Variants in NUCKS1 observed in about 807,000 individuals in gnomAD.
NUCKS1 encodes the protein nuclear ubiquitous casein and cyclin-dependent kinase substrate 1.
NUCKS1 carries 2 observed loss-of-function variants against 33.0 expected under a neutral mutation model. The ratio of observed to expected loss-of-function variants is 0.06; its 90% CI spans 0.02 to 0.19. NUCKS1 has a LOEUF of 0.19. Among genes scored for constraint, NUCKS1 ranks in the 10% least tolerant of loss-of-function variants. The pLI is 1.00. For missense variants in NUCKS1, 201 were observed against 293.6 expected (o/e 0.68, Z 2.31); for synonymous variants, 106 against 102.8 (o/e 1.03, Z -0.19).
chr1:205,732,034 C>G (rs564171113), intron 1 of NUCKS1, among the ~76,000 whole-genome samples: 2 of 152,086 alleles, frequency 1.3e-5, no homozygotes, highest in Non-Finnish European at 2.9e-5. Context: ...CACTGGTCCA[C>G]CTTCTAGTAT....
intron 1 of NUCKS1, among the ~76,000 whole-genome samples, chr1:205,742,675 A>T (rs574150142): frequency 3.3e-5 from 5 of 152,238 alleles, no homozygotes; most frequent in Non-Finnish European, 7.4e-5. Context: ...ATACTAAAAA[A>T]TTAGCCGGGC....
At chr1:205,738,872 T>C (rs974706098) in intron 1 of NUCKS1, among the ~76,000 whole-genome samples, 4 of 152,174 alleles carry the variant, frequency 2.6e-5, no homozygotes, top group Admixed American at 6.5e-5. Flanking sequence ...ATCACCACAC[T>C]GCACTCTGGC....
In NUCKS1 at chr1:205,732,779, C is replaced by CAAAAAAAAAAAAAAAAAAAAA. The variant is rs59760552; in HGVS notation, c.18-3159_18-3158insTTTTTTTTTTTTTTTTTTTTT. On this transcript the variant is annotated intron_variant, in intron 1 of 6. Transcript: ENST00000367142. ...CTGGCAACAGAGCAAGACTCTGTCT[C>CAAAAAAAAAAAAAAAAAAAAA]AAAAAAAAAAAAAAAAGTTAAGATG... Among the ~76,000 whole-genome samples, 17 of 74,000 alleles carry CAAAAAAAAAAAAAAAAAAAAA rather than the reference C, an allele frequency of 2.3e-4. 2 individuals carry two copies. Among genetic ancestry groups the CAAAAAAAAAAAAAAAAAAAAA allele is most frequent in the African/African-American group, 8.2e-4 (15 of 18,284 alleles). 48.5% of individuals were successfully genotyped at this position (74,000 alleles called of 152,430 possible).
chr1:205,750,164 C>T lies in NUCKS1; in HGVS notation c.-191G>A. On this transcript the variant is annotated 5_prime_UTR_variant, in exon 1 of 7. Transcript: ENST00000367142. ...TGGAACAGACGAGCCCCCCGCTCCC[C>T]CGTCTCTTCAAAATGGATGAATCAA... is the stretch of plus-strand genomic sequence containing the variant. The T allele has an allele frequency of 3.2e-6, 2 of 632,012 alleles. No homozygotes were observed. Among genetic ancestry groups the T allele is most frequent in the South Asian group, 3.7e-5 (2 of 54,564 alleles). The allele number at this position is 632,012 out of a possible 1,614,324, so 39.2% of individuals were successfully genotyped here. A position where few individuals can be genotyped will look rare whatever the true frequency, so the allele number is the denominator to read the frequency against.
intron 1 of NUCKS1, among the ~76,000 whole-genome samples, chr1:205,749,644 C>T (rs1654431899): frequency 1.3e-5 from 2 of 152,070 alleles, no homozygotes; most frequent in African/African-American, 2.4e-5. Context: ...GCTGACTTCA[C>T]ACCCCTCCCC....
In NUCKS1 at chr1:205,724,008, G is replaced by T. The variant is rs16856215; in HGVS notation, c.174-27C>A. 12,732 of 1,565,046 alleles carry T rather than the reference G, an allele frequency of 8.1e-3. 146 individuals carry two copies. Among genetic ancestry groups the T allele is most frequent in the African/African-American group, 0.045 (3,324 of 74,052 alleles). On this transcript the variant is annotated intron_variant, in intron 3 of 6. Transcript: ENST00000367142. The stretch of plus-strand genomic sequence containing the variant: ...TATAAAGGGAGGCAAAAAAGCAAAT[G>T]CATAAAAGTCTTAGCTCAAAATCTA...
At chr1:205,727,117 C>A (rs1244698265) in intron 3 of NUCKS1, among the ~76,000 whole-genome samples, 2 of 152,112 alleles carry the variant, frequency 1.3e-5, no homozygotes, top group African/African-American at 4.8e-5. Context: ...GCAAGTGCCA[C>A]CATTCCCGGC....
intron 1 of NUCKS1, among the ~76,000 whole-genome samples, chr1:205,739,416 A>G (rs982539873): frequency 3.3e-5 from 5 of 152,248 alleles, no homozygotes; most frequent in African/African-American, 1.2e-4. Flanking sequence ...TCTCACATGC[A>G]AGATTTTCTC....
chr1:205,748,883 T>C (rs1056289736), intron 1 of NUCKS1, among the ~76,000 whole-genome samples: 1 of 152,214 alleles, frequency 6.6e-6, no homozygotes, highest in African/African-American at 2.4e-5. Flanking sequence ...AAAATATTTA[T>C]TTGCAACAGC....
intron 1 of NUCKS1, among the ~76,000 whole-genome samples, chr1:205,748,479 C>CA (rs1306948804): frequency 6.6e-6 from 1 of 152,022 alleles, no homozygotes; most frequent in Non-Finnish European, 1.5e-5. Flanking sequence ...AGTTTTATGC[C>CA]AAAAAAATTA....
intron 1 of NUCKS1, among the ~76,000 whole-genome samples, chr1:205,746,170 C>T (rs1252924574): frequency 1.3e-5 from 2 of 151,936 alleles, no homozygotes; most frequent in African/African-American, 4.8e-5. Flanking sequence ...GTAGTGGGCA[C>T]CTGTAATTCC....
chr1:205,725,175 T>C (rs1356840911), intron 3 of NUCKS1, among the ~76,000 whole-genome samples: 1 of 152,198 alleles, frequency 6.6e-6, no homozygotes, highest in East Asian at 1.9e-4. Flanking sequence ...AGCCACCATA[T>C]CCAGCACCTA....
rs1035092570 is a variant in NUCKS1, at chr1:205,714,748, C to G, written c.*3532G>C. 1 of 152,150 alleles carries G rather than the reference C, an allele frequency of 6.6e-6. No individual in the cohort carries two copies. Among genetic ancestry groups the G allele is most frequent in the African/African-American group, 2.4e-5 (1 of 41,434 alleles). The allele number at this position is 152,150 out of a possible 1,614,324, so 9.4% of individuals were successfully genotyped here. ...TTTCCCTATCCTATGGCAGGAAATG[C>G]GTATTACTTCTGTTCTGTTTAAGCA... On this transcript the variant is annotated 3_prime_UTR_variant, in exon 7 of 7. Transcript: ENST00000367142.
At position 205,717,285 on chromosome 1, in the gene NUCKS1, G is replaced by A. The variant is rs1671838939; in HGVS notation, c.*995C>T. ...TAAAGGAAAAATCTCAACTCTTTGT[G>A]ACTGAGTTTCACATTAACTGGAACT... On this transcript the variant is annotated 3_prime_UTR_variant, in exon 7 of 7. Coordinates refer to ENST00000367142, the MANE Select transcript of NUCKS1 (RefSeq NM_022731.5). 1 of 985,064 alleles carries A rather than the reference G, an allele frequency of 1.0e-6. No homozygotes were observed. The highest frequency in any genetic ancestry group is 1.7e-5 in the African/African-American group (1 of 57,252). 61.0% of individuals were successfully genotyped at this position (985,064 alleles called of 1,614,324 possible).
At chr1:205,744,505 C>A (rs1411095354) in intron 1 of NUCKS1, among the ~76,000 whole-genome samples, 1 of 151,874 alleles carries the variant, frequency 6.6e-6, no homozygotes, top group Non-Finnish European at 1.5e-5. Context: ...TCCACCAACC[C>A]ACAATTTAGA....
chr1:205,744,917 C>T (rs1481812309), intron 1 of NUCKS1, among the ~76,000 whole-genome samples: 7 of 152,154 alleles, frequency 4.6e-5, no homozygotes, highest in Non-Finnish European at 8.8e-5. Context: ...CAGGCATGAG[C>T]CACCGCGCCT....
intron 1 of NUCKS1, among the ~76,000 whole-genome samples, chr1:205,748,626 T>C (rs1654390295): frequency 6.6e-6 from 1 of 152,166 alleles, no homozygotes; most frequent in African/African-American, 2.4e-5. Flanking sequence ...TCCCACCCCG[T>C]GTGTAGGAGT....
chr1:205,731,500 T>C (rs1653908868), intron 1 of NUCKS1: 1 of 152,204 alleles, frequency 6.6e-6, no homozygotes, highest in Non-Finnish European at 1.5e-5. Context: ...CATGTAAGCT[T>C]CCATGTTAGT....
At chr1:205,749,555 G>C (rs1007380273) in intron 1 of NUCKS1, among the ~76,000 whole-genome samples, 9 of 151,950 alleles carry the variant, frequency 5.9e-5, no homozygotes, top group African/African-American at 2.2e-4. Context: ...CTGAAGGTGG[G>C]GAGTGGAGCT....
Sources: gnomAD v4.1 joint callset for allele counts (sites outside exome capture counted in the v4.1 genomes callset) on GRCh38, gnomAD v4.1.1 for gene constraint, MANE v1.5 for transcripts, NCBI Gene and HGNC (gene_info 2026-07-23, HGNC 2026-07-21) for gene names.